NIBAN2: variants seen among roughly 807,000 people sequenced by gnomAD.
NIBAN2 encodes the protein niban apoptosis regulator 2, also known as protein Niban 2.
A neutral mutation model predicts 81.8 loss-of-function variants in NIBAN2; 36 were observed. The observed-to-expected ratio is 0.44, with a 90% confidence interval of 0.34 to 0.58. The LOEUF (loss-of-function observed/expected upper bound fraction) is 0.58. NIBAN2 is among the 20% of genes least tolerant of loss of function. NIBAN2 has a pLI of 0.02. For synonymous variants in NIBAN2, 445 were observed against 441.6 expected (o/e 1.01, Z -0.10); for missense variants, 897 against 1,014.1 (o/e 0.88, Z 1.57).
Position 127,517,322 on chromosome 9 carries a change from G to A in NIBAN2, c.706-106C>T, listed in dbSNP as rs538755426. On this transcript the variant is annotated intron_variant, in intron 6 of 13. Transcript: ENST00000373312. This position sits in a 1 kb window ranked among gnomAD's most constrained non-coding sequence, Gnocchi z 4.0. ...GGCCGCTGCAGCCCCCACCTCCTCC[G>A]CGACTGGCCCATTGCTTCACCCTCC... The A allele has an allele frequency of 2.2e-5, 19 of 883,204 alleles. No individual in the cohort carries two copies. Among genetic ancestry groups the A allele is most frequent in the Admixed American group, 2.1e-4 (9 of 42,284 alleles). The allele number at this position is 883,204 out of a possible 1,614,324, so 54.7% of individuals were successfully genotyped here. A position where few individuals can be genotyped will look rare whatever the true frequency, so the allele number is the denominator to read the frequency against.
At chr9:127,523,583 T>C in intron 5 of NIBAN2, 96 bp downstream of exon 5, 2 of 1,270,052 alleles carry the variant, frequency 1.6e-6, no homozygotes, top group Non-Finnish European at 2.2e-6. Context: ...TAGAGCAGGG[T>C]TGCCACACCA....
chr9:127,533,274 G>A (rs915508358), intron 1 of NIBAN2, among the ~76,000 whole-genome samples: 2 of 151,624 alleles, frequency 1.3e-5, no homozygotes, highest in East Asian at 3.9e-4. Context: ...GGCTAACACG[G>A]TGAAACCCTG....
intron 5 of NIBAN2, among the ~76,000 whole-genome samples, chr9:127,520,776 C>T (rs1001028984): frequency 5.3e-5 from 8 of 151,850 alleles, no homozygotes; most frequent in Non-Finnish European, 1.0e-4. Flanking sequence ...CCCAGCTACT[C>T]GGGAGGCTGA....
chr9:127,551,542 T>TAA (rs1837576598), intron 1 of NIBAN2, among the ~76,000 whole-genome samples: 4 of 148,786 alleles, frequency 2.7e-5, no homozygotes, highest in South Asian at 2.1e-4. Flanking sequence ...TAAATAAAAA[T>TAA]ATAAATAAAT....
At chr9:127,565,119 C>T (rs964308514) in intron 1 of NIBAN2, among the ~76,000 whole-genome samples, 2 of 152,106 alleles carry the variant, frequency 1.3e-5, no homozygotes, top group Non-Finnish European at 2.9e-5. Context: ...TACGACAATG[C>T]CCGGCTAATT....
At chr9:127,578,048 G>C (rs961038862) in intron 1 of NIBAN2, among the ~76,000 whole-genome samples, 6 of 151,848 alleles carry the variant, frequency 4.0e-5, no homozygotes, top group Admixed American at 2.0e-4. Context: ...AAAATTAGCT[G>C]GGTGTGGTGG....
chr9:127,551,758 C>T (rs1235239705), intron 1 of NIBAN2, among the ~76,000 whole-genome samples: 1 of 152,090 alleles, frequency 6.6e-6, no homozygotes, highest in East Asian at 1.9e-4. Context: ...AGAACTACCA[C>T]AGTGTCATGC....
chr9:127,526,029 T>A (rs1040365995), intron 3 of NIBAN2, among the ~76,000 whole-genome samples: 1 of 152,158 alleles, frequency 6.6e-6, no homozygotes, highest in African/African-American at 2.4e-5. Flanking sequence ...TTCCTGAAAG[T>A]AGCTCAGAAC....
At chr9:127,564,214 AC>A (rs1462331187) in intron 1 of NIBAN2, among the ~76,000 whole-genome samples, 2 of 151,106 alleles carry the variant, frequency 1.3e-5, no homozygotes, top group African/African-American at 2.4e-5. Context: ...AATTGCTTGA[AC>A]CCAGGAGGCG....
chr9:127,567,842 A>G (rs537776901), intron 1 of NIBAN2, among the ~76,000 whole-genome samples: 12 of 152,310 alleles, frequency 7.9e-5, no homozygotes, highest in Middle Eastern at 3.4e-3. Context: ...CTCATTAATA[A>G]GGAAGAAATC....
intron 1 of NIBAN2, among the ~76,000 whole-genome samples, chr9:127,543,208 G>C (rs1199080451): frequency 6.6e-6 from 1 of 152,194 alleles, no homozygotes; most frequent in African/African-American, 2.4e-5. Flanking sequence ...CTCCACACCA[G>C]GAACAAAAAG....
chr9:127,508,292 C>A lies in NIBAN2; in HGVS notation c.1435-92G>T. ...AGGCCAGTGGTCTGACCCAAGCCTC[C>A]GAGTCCTCATCCGCACAAGAGGACC... is the stretch of plus-strand genomic sequence containing the variant. On this transcript the variant is annotated intron_variant, in intron 11 of 13. Coordinates refer to ENST00000373312, the MANE Select transcript of NIBAN2 (RefSeq NM_022833.4). The surrounding 1 kb of genome is among the most constrained non-coding windows in gnomAD (Gnocchi z 6.4). 7.5e-7 allele frequency: 1 copy of A among 1,335,784 alleles called. No individual in the cohort carries two copies. 82.7% of individuals were successfully genotyped at this position (1,335,784 alleles called of 1,614,324 possible). A position where few individuals can be genotyped will look rare whatever the true frequency, so the allele number is the denominator to read the frequency against.
intron 1 of NIBAN2, among the ~76,000 whole-genome samples, chr9:127,534,765 C>A (rs899057406): frequency 1.2e-4 from 18 of 152,202 alleles, no homozygotes; most frequent in African/African-American, 4.1e-4. Context: ...TTTTTAAAAA[C>A]CATAAACAAC....
At chr9:127,569,520 A>G (rs1837921522), upstream of NIBAN2, among the ~76,000 whole-genome samples, 1 of 151,690 alleles carries the variant, frequency 6.6e-6, no homozygotes, top group Non-Finnish European at 1.5e-5. Flanking sequence ...CCGCGCGGGA[A>G]AAGAATCGCG....
intron 3 of NIBAN2, 120 bp from the exon 4 acceptor site, chr9:127,525,283 GAGGC>G: frequency 3.3e-5 from 19 of 574,032 alleles, no homozygotes; most frequent in South Asian, 7.4e-5. Context: ...AAAGGAAGAA[GAGGC>G]AAGAGAGGAA....
chr9:127,516,110 G>A (rs1239241659), intron 8 of NIBAN2, among the ~76,000 whole-genome samples: 1 of 151,164 alleles, frequency 6.6e-6, no homozygotes, highest in African/African-American at 2.4e-5. Context: ...GCGACAGAGT[G>A]AAACCCTGTC....
Position 127,568,883 on chromosome 9 carries a change from G to A in NIBAN2, c.-9C>T. ...GACAGCACGTCCCCCATGGCCAGGA[G>A]GTGTCGCGGCCCGATCCGGCCGACG... On this transcript the variant is annotated 5_prime_UTR_variant, in exon 1 of 14. Transcript: ENST00000373312. 4 of 1,327,596 alleles carry A rather than the reference G, an allele frequency of 3.0e-6. No homozygotes were observed. The highest frequency in any genetic ancestry group is 3.9e-6 in the Non-Finnish European group (4 of 1,036,008). The allele number at this position is 1,327,596 out of a possible 1,614,324, so 82.2% of individuals were successfully genotyped here.
rs369192891 is a variant in NIBAN2 at position 127,517,782 on chromosome 9, T to C, written c.705+44A>G. On this transcript the variant is annotated intron_variant, in intron 6 of 13. Coordinates refer to ENST00000373312, the MANE Select transcript of NIBAN2 (RefSeq NM_022833.4). The surrounding 1 kb of genome is among the most constrained non-coding windows in gnomAD (Gnocchi z 4.0). ...CCCCCTGCCCTCCCCTGCTGGGTCC[T>C]TGGGTGACTTCTGAGGTTTCCTCAC... The C allele has an allele frequency of 2.8e-6, 4 of 1,431,094 alleles. No individual in the cohort carries two copies. The South Asian group carries it at 4.7e-5, about 17-fold the overall frequency. The allele number at this position is 1,431,094 out of a possible 1,614,324, so 88.6% of individuals were successfully genotyped here. A position where few individuals can be genotyped will look rare whatever the true frequency, so the allele number is the denominator to read the frequency against.
chr9:127,576,761 C>G (rs57785655), intron 1 of NIBAN2, among the ~76,000 whole-genome samples: 4,136 of 147,680 alleles, frequency 0.028, 73 homozygotes, highest in Middle Eastern at 0.045. Context: ...TTTTTTTTTC[C>G]CAAGACAGAG....
Sources: allele counts gnomAD v4.1 joint callset (sites outside exome capture counted in the v4.1 genomes callset), GRCh38; gene constraint gnomAD v4.1.1; non-coding constraint Gnocchi (gnomAD v3.1); transcripts MANE v1.5; gene names NCBI Gene and HGNC (gene_info 2026-07-23, HGNC 2026-07-21).